The following MPP7 variants were observed in gnomAD, a reference collection of about 807,000 sequenced individuals.
MPP7 encodes the protein MAGUK p55 scaffold protein 7, also known as MAGUK p55 subfamily member 7.
Under a neutral mutation model 76.5 loss-of-function variants are expected in MPP7, and 60 were observed. The observed-to-expected ratio is 0.78, with a 90% CI of 0.64 to 0.97. The LOEUF (loss-of-function observed/expected upper bound fraction) is 0.97. Among genes scored for constraint, MPP7 ranks in the 50% least tolerant of loss-of-function variants. MPP7 has a pLI of 0.00. For missense variants in MPP7, 641 were observed against 694.0 expected, an observed-to-expected ratio of 0.92 and a Z score of 0.86; for synonymous variants, 237 against 244.5, an observed-to-expected ratio of 0.97 and a Z score of 0.29.
chr10:28,329,630 C>CAAA (rs10547710), intron 2 of MPP7, among the ~76,000 whole-genome samples: 43 of 106,244 alleles, frequency 4.0e-4, no homozygotes, highest in African/African-American at 1.4e-3. Context: ...GACTCCGTCT[C>CAAA]AAAAAAAAAA....
chr10:28,218,201 G>A (rs1838377968), intron 2 of MPP7, among the ~76,000 whole-genome samples: 1 of 152,194 alleles, frequency 6.6e-6, no homozygotes, highest in South Asian at 2.1e-4. Context: ...AACTGAGGCA[G>A]TGTGATAAAT....
intron 3 of MPP7, among the ~76,000 whole-genome samples, chr10:28,172,705 C>T (rs768597115): frequency 2.0e-5 from 3 of 152,182 alleles, no homozygotes; most frequent in Non-Finnish European, 4.4e-5. Context: ...ATAGAAATTA[C>T]ACCAATTACA....
rs114161430 is a variant in MPP7 at position 28,259,294 on chromosome 10, T to C, written c.-131-20559A>G. On this transcript the variant is annotated intron_variant, in intron 1 of 16. Coordinates refer to ENST00000683449, the MANE Select transcript of MPP7 (RefSeq NM_001318170.2). ...TTAGACTCCTTTTAAATACCTACAG[T>C]GAGGCCAGGTGCAGTGGCTCACACC... 9.6e-3 allele frequency among the ~76,000 whole-genome samples: 1,461 copies of C among 152,298 alleles called. 15 individuals carry two copies. Among genetic ancestry groups the C allele is most frequent in the African/African-American group, 0.034 (1,403 of 41,558 alleles).
rs373904847 is a variant in MPP7 at position 28,072,877 on chromosome 10, G to T, written c.1124-3025C>A. On this transcript the variant is annotated intron_variant, in intron 12 of 16. Transcript: ENST00000683449. Reference sequence around the variant, plus strand: ...AAGGACATTTCACTTCTATGATTTTGTTAATGTCTTCATCTCTCTTACACT... The same window carrying T: ...AAGGACATTTCACTTCTATGATTTTTTTAATGTCTTCATCTCTCTTACACT... 7.9e-5 allele frequency among the ~76,000 whole-genome samples: 12 copies of T among 152,172 alleles called. No homozygotes were observed. In the East Asian group the frequency reaches 2.1e-3, roughly 27 times the overall value.
At chr10:28,061,164 A>AAAAAC (rs1415903016) in intron 13 of MPP7, among the ~76,000 whole-genome samples, 3 of 152,082 alleles carry the variant, frequency 2.0e-5, no homozygotes, top group African/African-American at 4.8e-5. Flanking sequence ...AAAAACAAAA[A>AAAAAC]AAAACAAAAC....
chr10:28,128,318 T>C (rs1411187340), intron 6 of MPP7, among the ~76,000 whole-genome samples: 1 of 150,736 alleles, frequency 6.6e-6, no homozygotes, highest in Non-Finnish European at 1.5e-5. Context: ...TGCATTCTTA[T>C]TGGTTGAGCA....
intron 11 of MPP7, among the ~76,000 whole-genome samples, chr10:28,093,203 C>T (rs1853403331): frequency 6.6e-6 from 1 of 152,086 alleles, no homozygotes. Flanking sequence ...ACAGAATAAG[C>T]AGGTAGAACT....
chr10:28,327,600 C>T (rs1352991386), intron 2 of MPP7, among the ~76,000 whole-genome samples: 1 of 152,092 alleles, frequency 6.6e-6, no homozygotes, highest in Non-Finnish European at 1.5e-5. Context: ...ATTTATTTTA[C>T]AGAAGCTGTT....
chr10:28,127,029 G>C (rs565520702), intron 6 of MPP7, among the ~76,000 whole-genome samples: 1 of 152,166 alleles, frequency 6.6e-6, no homozygotes, highest in Non-Finnish European at 1.5e-5. Flanking sequence ...CTCCAAGTGA[G>C]AACCTCCCAG....
chr10:28,160,117 A>G (rs79238162), intron 3 of MPP7, among the ~76,000 whole-genome samples: 1 of 151,958 alleles, frequency 6.6e-6, no homozygotes, highest in African/African-American at 2.4e-5. Flanking sequence ...TCATTAGAAA[A>G]AAAAAAAAAA....
intron 1 of MPP7, among the ~76,000 whole-genome samples, chr10:28,289,576 C>T (rs1295509831): frequency 6.6e-6 from 1 of 152,120 alleles, no homozygotes; most frequent in African/African-American, 2.4e-5. Flanking sequence ...GATGTGTGGC[C>T]AAGAGCTCAC....
Position 28,089,676 on chromosome 10 carries a change from A to C in MPP7, c.1118T>G (p.Leu373Trp). ...TCACAGAAACAAGCACTTACCAACC[A>C]AGACAACGAGTCTGTATTTTTCATT... The part of the protein sequence containing the change: ...QTNEKYRLVV[L>W]VGPVGVGLNE... Residue 373 changes from leucine to tryptophan, a missense_variant, in exon 12 of 17, where the codon TTG becomes TGG. Physicochemically the swap from Leu to Trp is moderately conservative, Grantham distance 61. Transcript: ENST00000683449. 6.2e-7 allele frequency: 1 copy of C among 1,611,204 alleles called. No homozygotes were observed. Among genetic ancestry groups the C allele is most frequent in the Non-Finnish European group, 8.5e-7 (1 of 1,179,000 alleles).
At chr10:28,163,671 G>C (rs920572177) in intron 3 of MPP7, among the ~76,000 whole-genome samples, 2 of 152,120 alleles carry the variant, frequency 1.3e-5, no homozygotes, top group Non-Finnish European at 2.9e-5. Context: ...ATTTTGGCCA[G>C]GCACAATGGC....
intron 2 of MPP7, among the ~76,000 whole-genome samples, chr10:28,204,912 T>C (rs1445672227): frequency 2.0e-5 from 3 of 152,232 alleles, no homozygotes; most frequent in African/African-American, 7.2e-5. Flanking sequence ...CTTTTACATA[T>C]GGAAAGTGTT....
At chr10:28,160,979 T>C (rs1053509212) in intron 3 of MPP7, among the ~76,000 whole-genome samples, 2 of 152,210 alleles carry the variant, frequency 1.3e-5, no homozygotes, top group Non-Finnish European at 2.9e-5. Context: ...TGTTTCATTA[T>C]TCACATTTTT....
intron 1 of MPP7, among the ~76,000 whole-genome samples, chr10:28,271,522 T>C (rs7086943): frequency 0.15 from 22,691 of 152,182 alleles, 1,797 homozygotes; most frequent in South Asian, 0.19. Flanking sequence ...CAGGCACTCC[T>C]CCCTAAATAT....
At chr10:28,304,624 C>T (rs557898342), upstream of MPP7, among the ~76,000 whole-genome samples, 9 of 152,214 alleles carry the variant, frequency 5.9e-5, no homozygotes, top group Non-Finnish European at 1.2e-4. Flanking sequence ...TCTAAAAATA[C>T]GTGTCCTAAA....
At chr10:28,181,223 T>A (rs1837047025) in intron 3 of MPP7, among the ~76,000 whole-genome samples, 2 of 152,204 alleles carry the variant, frequency 1.3e-5, no homozygotes, top group Middle Eastern at 3.2e-3. Context: ...ATTTAAAGTA[T>A]TTTACGTGAA....
chr10:28,242,844 A>T (rs1041882823), intron 1 of MPP7, among the ~76,000 whole-genome samples: 1 of 152,216 alleles, frequency 6.6e-6, no homozygotes, highest in African/African-American at 2.4e-5. Flanking sequence ...GAAAAGGAAG[A>T]AAAGCAGGAA....
Sources: allele counts gnomAD v4.1 joint callset (sites outside exome capture counted in the v4.1 genomes callset), GRCh38; gene constraint gnomAD v4.1.1; transcripts MANE v1.5; gene names NCBI Gene and HGNC (gene_info 2026-07-23, HGNC 2026-07-21).